The following KCNIP4 variants were observed in gnomAD, a reference collection of about 807,000 sequenced individuals.
KCNIP4 encodes potassium voltage-gated channel interacting protein 4.
In KCNIP4, 12 loss-of-function variants were observed where a neutral mutation model predicts 34.0. That is an observed-to-expected ratio of 0.35 (90% CI 0.23 to 0.57). The LOEUF (loss-of-function observed/expected upper bound fraction) is 0.57, where lower values mean the gene tolerates loss of function less well. KCNIP4 is among the 20% of genes least tolerant of loss of function. The pLI, the probability that KCNIP4 is intolerant of heterozygous loss-of-function variation, is 0.83. For synonymous variants in KCNIP4, 124 were observed against 102.2 expected (o/e 1.21, Z -1.29); for missense variants, 238 against 311.7 (o/e 0.76, Z 1.78).
At chr4:21,786,987 G>T (rs114332267) in intron 1 of KCNIP4, among the ~76,000 whole-genome samples, 156 of 152,206 alleles carry the variant, frequency 1.0e-3, no homozygotes, top group African/African-American at 3.5e-3. Context: ...ATAAGCCAGT[G>T]ATAAAACGAG....
intron 1 of KCNIP4, among the ~76,000 whole-genome samples, chr4:21,786,008 G>A (rs1015455328): frequency 4.6e-5 from 7 of 152,158 alleles, no homozygotes; most frequent in Non-Finnish European, 8.8e-5. Context: ...GAGTGCAGTG[G>A]CACTATCTTG....
chr4:21,303,286 T>C lies in KCNIP4; in HGVS notation c.62-420577A>G, dbSNP rs78504207. On this transcript the variant is annotated intron_variant, in intron 1 of 8. Coordinates refer to ENST00000382152, the MANE Select transcript of KCNIP4 (RefSeq NM_025221.6). ...TCCCCTTAGAATCTCTGTTAGCATG[T>C]AAAATAGGTAACATTATAAACACTT... 2.0e-3 allele frequency among the ~76,000 whole-genome samples: 308 copies of C among 152,308 alleles called. 1 individual carries two copies. The highest frequency in any genetic ancestry group is 0.014 in the East Asian group (74 of 5,176).
chr4:21,551,463 T>A (rs1738579224), intron 1 of KCNIP4, among the ~76,000 whole-genome samples: 1 of 152,134 alleles, frequency 6.6e-6, no homozygotes. Flanking sequence ...TATTAAATGA[T>A]CTTTGAAGTT....
At chr4:21,600,867 T>G (rs1010295105) in intron 1 of KCNIP4, among the ~76,000 whole-genome samples, 3 of 151,772 alleles carry the variant, frequency 2.0e-5, no homozygotes, top group African/African-American at 7.2e-5. Flanking sequence ...TTGCCTTATC[T>G]ATCCTTGCTC....
chr4:21,739,157 T>A (rs927997082), intron 1 of KCNIP4, among the ~76,000 whole-genome samples: 4 of 152,090 alleles, frequency 2.6e-5, no homozygotes, highest in African/African-American at 9.7e-5. Flanking sequence ...CTGCTCATCA[T>A]AAAAGATTGA....
At chr4:21,171,029 G>C (rs1270755078) in intron 1 of KCNIP4, among the ~76,000 whole-genome samples, 1 of 152,182 alleles carries the variant, frequency 6.6e-6, no homozygotes, top group Non-Finnish European at 1.5e-5. Context: ...TAGTCTGAGA[G>C]ATGGTAAGAT....
At chr4:21,066,209 C>T (rs920580925) in intron 1 of KCNIP4, among the ~76,000 whole-genome samples, 1 of 152,056 alleles carries the variant, frequency 6.6e-6, no homozygotes, top group Non-Finnish European at 1.5e-5. Flanking sequence ...AAGGTTCTTT[C>T]TTGTGCTGAG....
At chr4:20,992,871 T>C (rs1474541592) in intron 1 of KCNIP4, among the ~76,000 whole-genome samples, 1 of 151,436 alleles carries the variant, frequency 6.6e-6, no homozygotes, top group East Asian at 2.0e-4. Flanking sequence ...CTACTAAAAA[T>C]ACAAAAATCA....
intron 1 of KCNIP4, among the ~76,000 whole-genome samples, chr4:21,648,041 T>C (rs1747165662): frequency 1.3e-5 from 2 of 151,630 alleles, no homozygotes; most frequent in South Asian, 4.2e-4. Flanking sequence ...GCCCAGCTAA[T>C]TTTTTGTATT....
intron 1 of KCNIP4, among the ~76,000 whole-genome samples, chr4:20,930,713 T>C (rs1730369935): frequency 6.6e-6 from 1 of 151,850 alleles, no homozygotes; most frequent in Admixed American, 6.6e-5. Context: ...CTGAACATAC[T>C]TTTCTCCAAA....
At chr4:21,755,653 G>C (rs1014869490) in intron 1 of KCNIP4, among the ~76,000 whole-genome samples, 5 of 152,092 alleles carry the variant, frequency 3.3e-5, no homozygotes, top group African/African-American at 1.2e-4. Flanking sequence ...ATAACTAATG[G>C]ACTTCCCAAG....
chr4:21,075,337 A>G (rs1030266352), intron 1 of KCNIP4, among the ~76,000 whole-genome samples: 36 of 152,148 alleles, frequency 2.4e-4, no homozygotes, highest in South Asian at 4.1e-4. Flanking sequence ...TTGGGTGCAT[A>G]TATATTTAAG....
At chr4:20,871,452 A>G (rs939724640) in intron 2 of KCNIP4, among the ~76,000 whole-genome samples, 2 of 152,082 alleles carry the variant, frequency 1.3e-5, no homozygotes, top group African/African-American at 2.4e-5. Context: ...TATGGAATGA[A>G]GGAATACATT....
chr4:21,253,396 T>C (rs1241240534), intron 1 of KCNIP4, among the ~76,000 whole-genome samples: 1 of 152,210 alleles, frequency 6.6e-6, no homozygotes, highest in African/African-American at 2.4e-5. Context: ...AGTAGGTTAT[T>C]GATGACATCA....
chr4:21,537,922 G>T (rs1737331587), intron 1 of KCNIP4, among the ~76,000 whole-genome samples: 1 of 137,864 alleles, frequency 7.3e-6, no homozygotes. Context: ...TGAGTCAGAA[G>T]AATAGCTTGA....
chr4:21,534,734 C>A (rs561458085), intron 1 of KCNIP4, among the ~76,000 whole-genome samples: 2 of 152,246 alleles, frequency 1.3e-5, no homozygotes, highest in East Asian at 3.9e-4. Context: ...AGAGCACACA[C>A]CCTGGCAGAT....
At chr4:21,389,506 A>G (rs965888608) in intron 1 of KCNIP4, among the ~76,000 whole-genome samples, 2 of 126,820 alleles carry the variant, frequency 1.6e-5, no homozygotes, top group African/African-American at 3.1e-5. Context: ...CCTGTGTCCA[A>G]GTGTTCTTAT....
At chr4:21,259,556 G>A (rs929386773) in intron 1 of KCNIP4, among the ~76,000 whole-genome samples, 6 of 152,020 alleles carry the variant, frequency 3.9e-5, no homozygotes, top group African/African-American at 1.4e-4. Context: ...TTGGCTACTG[G>A]TTGTATGCTG....
At chr4:21,814,485 G>A (rs923290371) in intron 1 of KCNIP4, among the ~76,000 whole-genome samples, 12 of 152,120 alleles carry the variant, frequency 7.9e-5, no homozygotes, top group African/African-American at 1.7e-4. Context: ...CTGTCGCCAC[G>A]TAAGACGTCC....
Sources: gnomAD v4.1 joint callset for allele counts (sites outside exome capture counted in the v4.1 genomes callset) on GRCh38, gnomAD v4.1.1 for gene constraint, MANE v1.5 for transcripts, NCBI Gene and HGNC (gene_info 2026-07-23, HGNC 2026-07-21) for gene names.